The following ITCH variants were observed in gnomAD, a reference collection of about 807,000 sequenced individuals.
ITCH encodes itchy E3 ubiquitin protein ligase.
A neutral mutation model predicts 126.8 loss-of-function variants in ITCH; 28 were observed. The observed-to-expected ratio is 0.22, with a 90% confidence interval of 0.16 to 0.30. ITCH has a LOEUF of 0.30. Among genes scored for constraint, ITCH ranks in the 10% least tolerant of loss-of-function variants. The pLI is 1.00. For synonymous variants in ITCH, 342 were observed against 340.0 expected (o/e 1.01, Z -0.06); for missense variants, 631 against 1,032.4 (o/e 0.61, Z 5.33).
rs1463633597 is a variant in ITCH, at chr20:34,363,295, G to A, written c.-153G>A. The stretch of plus-strand genomic sequence containing the variant: ...TCTAGTAGCTGTGGTCGGGGCTCGG[G>A]ACCGGCTGCCATCTTAGTCTAGGGA... On this transcript the variant is annotated 5_prime_UTR_variant, in exon 1 of 25. Transcript: ENST00000374864. The A allele has an allele frequency of 2.0e-5, 3 of 152,628 alleles. No individual in the cohort carries two copies. In the East Asian group the frequency reaches 5.8e-4, roughly 29 times the overall value. 9.5% of individuals were successfully genotyped at this position (152,628 alleles called of 1,614,324 possible).
intron 6 of ITCH, among the ~76,000 whole-genome samples, chr20:34,416,565 TGACTGTG>T: frequency 6.6e-6 from 1 of 152,304 alleles, no homozygotes; most frequent in East Asian, 1.9e-4. Flanking sequence ...GGACCACAGT[TGACTGTG>T]GGTAATTAAA....
At chr20:34,462,960 A>G (rs1418675609) in intron 14 of ITCH, among the ~76,000 whole-genome samples, 1 of 152,234 alleles carries the variant, frequency 6.6e-6, no homozygotes, top group Non-Finnish European at 1.5e-5. Context: ...AAGCTGAATA[A>G]TATTCCAGTG....
chr20:34,471,268 GTAAT>G (rs1340721152), intron 15 of ITCH, among the ~76,000 whole-genome samples, 172 bp from the exon 16 acceptor site: 1 of 150,968 alleles, frequency 6.6e-6, no homozygotes, highest in African/African-American at 2.5e-5. Flanking sequence ...ATATTAATCT[GTAAT>G]TAGCATGAAT....
chr20:34,499,399 C>A (rs1990107878), intron 23 of ITCH, among the ~76,000 whole-genome samples: 1 of 144,910 alleles, frequency 6.9e-6, no homozygotes, highest in East Asian at 2.1e-4. Context: ...ATCTTTTCAG[C>A]TTTTCTGCTT....
intron 23 of ITCH, among the ~76,000 whole-genome samples, chr20:34,496,851 A>C (rs1989923165): frequency 1.3e-5 from 2 of 151,708 alleles, no homozygotes; most frequent in Admixed American, 1.3e-4. Flanking sequence ...CTTTGCTCAG[A>C]CCTGTGCCCT....
chr20:34,403,557 T>C (rs2038956387), intron 3 of ITCH, among the ~76,000 whole-genome samples: 1 of 152,142 alleles, frequency 6.6e-6, no homozygotes, highest in Admixed American at 6.6e-5. Flanking sequence ...CCTCTCAGAT[T>C]AAATCCCAGA....
intron 21 of ITCH, 95 bp from the exon 22 acceptor site, chr20:34,489,727 T>C: frequency 1.2e-6 from 1 of 862,108 alleles, no homozygotes; most frequent in South Asian, 1.3e-5. Flanking sequence ...CTACTGATTG[T>C]TATTCTAAAG....
At chr20:34,400,213 A>G (rs1004201548) in intron 3 of ITCH, among the ~76,000 whole-genome samples, 6 of 152,132 alleles carry the variant, frequency 3.9e-5, no homozygotes, top group Non-Finnish European at 5.9e-5. Flanking sequence ...CTGGAATTAT[A>G]GGCGTGAGCC....
chr20:34,382,933 G>A (rs562135651), intron 2 of ITCH, among the ~76,000 whole-genome samples: 1 of 151,436 alleles, frequency 6.6e-6, no homozygotes, highest in African/African-American at 2.4e-5. Flanking sequence ...TAGTAGAAAC[G>A]GAGTTTCACC....
intron 9 of ITCH, chr20:34,441,539 C>T (rs1221302772): frequency 4.0e-5 from 6 of 151,644 alleles, no homozygotes; most frequent in African/African-American, 1.5e-4. Flanking sequence ...ATTCTCTTGC[C>T]TTAGCATCCT....
chr20:34,496,061 A>G (rs978358162), intron 23 of ITCH, among the ~76,000 whole-genome samples: 2 of 152,070 alleles, frequency 1.3e-5, no homozygotes, highest in Non-Finnish European at 2.9e-5. Context: ...GTGACAGAGC[A>G]ATACTCTGTC....
At chr20:34,385,925 T>C (rs549507579) in intron 2 of ITCH, among the ~76,000 whole-genome samples, 1 of 152,260 alleles carries the variant, frequency 6.6e-6, no homozygotes, top group Admixed American at 6.5e-5. Flanking sequence ...TCCTAGTAAA[T>C]GGGAAAGCAA....
intron 23 of ITCH, among the ~76,000 whole-genome samples, chr20:34,494,480 ATTC>A (rs898552280): frequency 1.7e-4 from 26 of 152,226 alleles, no homozygotes; most frequent in South Asian, 4.1e-4. Flanking sequence ...TCAAATCTTT[ATTC>A]TTTTTTACTT....
In ITCH at chr20:34,487,887, C is replaced by T. The variant is rs116378374; in HGVS notation, c.2094-1379C>T. Among the ~76,000 whole-genome samples, 1,401 of 152,272 alleles carry T rather than the reference C, an allele frequency of 9.2e-3. 19 individuals carry two copies. The highest frequency in any genetic ancestry group is 0.031 in the African/African-American group (1,301 of 41,552). On this transcript the variant is annotated intron_variant, in intron 20 of 24. Coordinates refer to ENST00000374864, the MANE Select transcript of ITCH (RefSeq NM_031483.7). ...CCAGGTGGCGGAGGTTGCAGTAAGT[C>T]GAGATCACGCCATTGCGCTTCAGCC...
chr20:34,476,809 T>A (rs1449797907), intron 16 of ITCH: 2 of 158,704 alleles, frequency 1.3e-5, no homozygotes, highest in Admixed American at 1.3e-4. Flanking sequence ...CTTTCCATGT[T>A]CTTCTGTATT....
intron 2 of ITCH, among the ~76,000 whole-genome samples, chr20:34,370,673 A>AG (rs1167265946): frequency 8.6e-5 from 13 of 151,768 alleles, no homozygotes; most frequent in Admixed American, 7.9e-4. Context: ...CAAAAAAAAA[A>AG]AAAAGAAAAG....
chr20:34,505,016 C>T (rs1045568227), intron 24 of ITCH, among the ~76,000 whole-genome samples: 7 of 151,878 alleles, frequency 4.6e-5, no homozygotes, highest in South Asian at 2.1e-4. Context: ...TTATGCAGTT[C>T]GGTTCAGTGG....
chr20:34,456,376 T>C (rs922247898), intron 12 of ITCH, among the ~76,000 whole-genome samples: 3 of 146,832 alleles, frequency 2.0e-5, no homozygotes, highest in Admixed American at 6.9e-5. Flanking sequence ...CCATTACCAA[T>C]TAATTCTTCA....
At chr20:34,384,875 G>T (rs1220699012) in intron 2 of ITCH, among the ~76,000 whole-genome samples, 2 of 151,800 alleles carry the variant, frequency 1.3e-5, no homozygotes, top group Non-Finnish European at 2.9e-5. Context: ...TGTTAGCCAG[G>T]TTGGTCTTGA....
Sources: allele counts gnomAD v4.1 joint callset (sites outside exome capture counted in the v4.1 genomes callset), GRCh38; gene constraint gnomAD v4.1.1; transcripts MANE v1.5; gene names NCBI Gene and HGNC (gene_info 2026-07-23, HGNC 2026-07-21).